RORA: variants seen among roughly 807,000 people sequenced by gnomAD.
RORA encodes the protein nuclear receptor ROR-alpha.
RORA carries 7 observed loss-of-function variants against 69.5 expected under a neutral mutation model. The ratio of observed to expected loss-of-function variants is 0.10; its 90% CI spans 0.06 to 0.19. The LOEUF (loss-of-function observed/expected upper bound fraction) is 0.19. Ranked by LOEUF, RORA falls within the 10% of genes least tolerant of loss-of-function variation. The probability of loss-of-function intolerance (pLI) is 1.00; values close to 1 mark genes in which losing one functional copy is unlikely to be tolerated. For missense variants in RORA, 457 were observed against 663.0 expected, an observed-to-expected ratio of 0.69 and a Z score of 3.41; for synonymous variants, 261 against 240.8, an observed-to-expected ratio of 1.08 and a Z score of -0.78.
intron 1 of RORA, among the ~76,000 whole-genome samples, chr15:61,219,058 G>T (rs1017750009): frequency 6.6e-6 from 1 of 152,164 alleles, no homozygotes; most frequent in African/African-American, 2.4e-5. Context: ...CACTAAATCA[G>T]AGCATGAGAC....
intron 2 of RORA, among the ~76,000 whole-genome samples, chr15:60,566,156 G>C (rs1051685713): frequency 6.6e-6 from 1 of 152,136 alleles, no homozygotes; most frequent in Non-Finnish European, 1.5e-5. Flanking sequence ...TAATTATGGA[G>C]AGCAGAGTTC....
chr15:61,110,847 C>G (rs149199848), intron 1 of RORA, among the ~76,000 whole-genome samples: 1 of 152,224 alleles, frequency 6.6e-6, no homozygotes, highest in Admixed American at 6.5e-5. Context: ...GTATTCACAA[C>G]GCAATCCTCA....
At chr15:60,858,726 A>ACACACACACACAC (rs1399171435) in intron 1 of RORA, among the ~76,000 whole-genome samples, 4 of 73,224 alleles carry the variant, frequency 5.5e-5, no homozygotes, top group Admixed American at 2.5e-4. Context: ...CACACACACA[A>ACACACACACACAC]AAGCACAAAG....
intron 1 of RORA, among the ~76,000 whole-genome samples, chr15:60,709,925 T>C (rs1437063739): frequency 1.3e-5 from 2 of 152,126 alleles, no homozygotes; most frequent in Non-Finnish European, 2.9e-5. Context: ...ACTGTTGCTT[T>C]AGACCACCCT....
intron 1 of RORA, among the ~76,000 whole-genome samples, chr15:61,110,359 T>C (rs374784890): frequency 6.7e-6 from 1 of 149,798 alleles, no homozygotes. Context: ...CACACCTCTA[T>C]ACTCCAGCCT....
intron 1 of RORA, among the ~76,000 whole-genome samples, chr15:61,025,103 C>T (rs980366443): frequency 6.6e-6 from 1 of 152,120 alleles, no homozygotes; most frequent in Non-Finnish European, 1.5e-5. Context: ...AGACAGGACG[C>T]AAACCCATGC....
rs907918333 is a variant in RORA at position 60,572,526 on chromosome 15, T to C, written c.197-40675A>G. Among the ~76,000 whole-genome samples, 53 of 151,956 alleles carry C rather than the reference T, an allele frequency of 3.5e-4. 1 individual carries two copies. The highest frequency in any genetic ancestry group is 6.6e-4 in the Non-Finnish European group (45 of 68,008). On this transcript the variant is annotated intron_variant, in intron 2 of 10. Coordinates refer to ENST00000335670, the MANE Select transcript of RORA (RefSeq NM_134261.3). ...TAGCAAGAAAAAAAAAAGAGGGGCTTTTTAGTCATACTCCCTCCTACCATT... is the reference window on the plus strand; with the variant it reads ...TAGCAAGAAAAAAAAAAGAGGGGCTCTTTAGTCATACTCCCTCCTACCATT...
chr15:60,911,425 C>T (rs1891712475), intron 1 of RORA, among the ~76,000 whole-genome samples: 1 of 152,126 alleles, frequency 6.6e-6, no homozygotes, highest in African/African-American at 2.4e-5. Flanking sequence ...AGTCAGTTGA[C>T]TTTACTGGCG....
intron 1 of RORA, among the ~76,000 whole-genome samples, chr15:61,122,583 T>C (rs1243834632): frequency 6.6e-6 from 1 of 152,162 alleles, no homozygotes; most frequent in Non-Finnish European, 1.5e-5. Flanking sequence ...TATGATCTCA[T>C]AAATACCCTA....
At chr15:60,689,436 T>C (rs990824857) in intron 1 of RORA, among the ~76,000 whole-genome samples, 2 of 152,216 alleles carry the variant, frequency 1.3e-5, no homozygotes, top group Non-Finnish European at 2.9e-5. Flanking sequence ...TGATTTCAAC[T>C]AGCACAGTTC....
At chr15:61,145,453 C>T (rs985200023) in intron 1 of RORA, among the ~76,000 whole-genome samples, 6 of 152,172 alleles carry the variant, frequency 3.9e-5, no homozygotes, top group African/African-American at 1.4e-4. Flanking sequence ...GTACTTCCTT[C>T]GATAACATGC....
At chr15:60,582,298 CAG>C (rs1246150146) in intron 2 of RORA, among the ~76,000 whole-genome samples, 1 of 152,122 alleles carries the variant, frequency 6.6e-6, no homozygotes, top group Non-Finnish European at 1.5e-5. Context: ...AGGGTAGAGA[CAG>C]GGAATAAGGA....
chr15:60,734,081 C>T (rs2071467670), intron 1 of RORA, among the ~76,000 whole-genome samples: 1 of 152,132 alleles, frequency 6.6e-6, no homozygotes, highest in South Asian at 2.1e-4. Flanking sequence ...CTTAATCCTT[C>T]ATCAGCCTCT....
chr15:61,174,877 T>C lies in RORA; in HGVS notation c.166+54176A>G, dbSNP rs1237139037. On this transcript the variant is annotated intron_variant, in intron 1 of 10. Transcript: ENST00000335670. Reference sequence around the variant, plus strand: ...ATGGCTCTCTAAGGTGGTATTACCATCATTTTCTACATGAGAGCACTGAGC... The same window carrying C: ...ATGGCTCTCTAAGGTGGTATTACCACCATTTTCTACATGAGAGCACTGAGC... Among the ~76,000 whole-genome samples the C allele has an allele frequency of 2.0e-4, 31 of 152,204 alleles. 1 individual carries two copies. The highest frequency in any genetic ancestry group is 2.0e-3 in the Admixed American group (31 of 15,282).
intron 1 of RORA, among the ~76,000 whole-genome samples, chr15:60,969,753 G>T (rs1301555187): frequency 1.3e-5 from 2 of 152,192 alleles, no homozygotes; most frequent in Non-Finnish European, 2.9e-5. Context: ...GCATAAGGGA[G>T]GGGGTTTGAG....
At chr15:60,719,677 T>G (rs2071267883) in intron 1 of RORA, among the ~76,000 whole-genome samples, 1 of 152,224 alleles carries the variant, frequency 6.6e-6, no homozygotes, top group Non-Finnish European at 1.5e-5. Context: ...AGCTACGTCC[T>G]GCTGCTGCTC....
chr15:61,059,533 A>G (rs997100969), intron 1 of RORA, among the ~76,000 whole-genome samples: 4 of 152,242 alleles, frequency 2.6e-5, no homozygotes, highest in African/African-American at 9.6e-5. Context: ...CTGGAAGAAT[A>G]GGGATTTGTA....
intron 1 of RORA, among the ~76,000 whole-genome samples, chr15:60,731,644 A>C (rs2071429724): frequency 6.6e-6 from 1 of 152,194 alleles, no homozygotes; most frequent in Non-Finnish European, 1.5e-5. Context: ...AGAACAGAGG[A>C]AGCAAGTAGA....
intron 1 of RORA, among the ~76,000 whole-genome samples, chr15:60,974,989 AG>A (rs1893835516): frequency 6.6e-6 from 1 of 152,224 alleles, no homozygotes. Context: ...GGACCTGAAG[AG>A]GTGGGATCTG....
Sources: gnomAD v4.1 joint callset for allele counts (sites outside exome capture counted in the v4.1 genomes callset) on GRCh38, gnomAD v4.1.1 for gene constraint, MANE v1.5 for transcripts, NCBI Gene and HGNC (gene_info 2026-07-23, HGNC 2026-07-21) for gene names.